Variants in PSD3 observed in about 807,000 individuals in gnomAD.
The protein encoded by PSD3 is pleckstrin and Sec7 domain containing 3, also known as PH and SEC7 domain-containing protein 3.
Under a neutral mutation model 105.5 loss-of-function variants are expected in PSD3, and 49 were observed. The ratio of observed to expected loss-of-function variants is 0.46; its 90% CI spans 0.37 to 0.59. The LOEUF (loss-of-function observed/expected upper bound fraction) is 0.59, where lower values mean the gene tolerates loss of function less well. Among genes scored for constraint, PSD3 ranks in the 20% least tolerant of loss-of-function variants. PSD3 has a pLI of 0.00. For missense variants in PSD3, 1,561 were observed against 1,263.8 expected (o/e 1.24, Z -3.57); for synonymous variants, 557 against 457.8 (o/e 1.22, Z -2.77).
chr8:18,799,919 C>G (rs1037044405), intron 7 of PSD3, among the ~76,000 whole-genome samples: 3 of 152,104 alleles, frequency 2.0e-5, no homozygotes, highest in African/African-American at 7.2e-5. Flanking sequence ...TCAATTTACG[C>G]TAAATTAGAA....
chr8:18,752,892 T>C (rs1015661952), intron 9 of PSD3, among the ~76,000 whole-genome samples: 4 of 151,234 alleles, frequency 2.6e-5, no homozygotes, highest in African/African-American at 9.7e-5. Flanking sequence ...CAAGGAATAA[T>C]TGCTTTTGAT....
At chr8:18,840,049 A>C (rs540642057) in intron 4 of PSD3, among the ~76,000 whole-genome samples, 37 of 152,194 alleles carry the variant, frequency 2.4e-4, no homozygotes, top group Admixed American at 2.1e-3. Flanking sequence ...GCTTAGTAGA[A>C]AGTAGTCATT....
intron 1 of PSD3, among the ~76,000 whole-genome samples, chr8:18,952,694 A>G (rs1313744947): frequency 6.6e-6 from 1 of 152,224 alleles, no homozygotes; most frequent in Non-Finnish European, 1.5e-5. Flanking sequence ...TGGAATATAG[A>G]AAGCAGATTT....
chr8:18,696,921 T>C (rs1056787751), intron 9 of PSD3, among the ~76,000 whole-genome samples: 1 of 152,170 alleles, frequency 6.6e-6, no homozygotes, highest in Admixed American at 6.5e-5. Context: ...TGCATCTTGT[T>C]TGCCCCATAT....
intron 1 of PSD3, among the ~76,000 whole-genome samples, chr8:18,964,186 G>T (rs1824104412): frequency 6.6e-6 from 1 of 152,138 alleles, no homozygotes; most frequent in African/African-American, 2.4e-5. Flanking sequence ...GCACAATGGT[G>T]TGATCATGGC....
chr8:18,704,113 C>T (rs1801747247), intron 9 of PSD3, among the ~76,000 whole-genome samples: 2 of 152,212 alleles, frequency 1.3e-5, no homozygotes, highest in South Asian at 4.1e-4. Context: ...AGATACATTT[C>T]TTTCCTCTCT....
intron 1 of PSD3, among the ~76,000 whole-genome samples, chr8:19,068,391 G>C (rs1460207310): frequency 6.6e-6 from 1 of 151,896 alleles, no homozygotes; most frequent in Non-Finnish European, 1.5e-5. Flanking sequence ...CAGGGCTTGA[G>C]AGATCCTCCT....
chr8:18,675,702 TA>T (rs1042341963), intron 9 of PSD3, among the ~76,000 whole-genome samples: 32 of 152,062 alleles, frequency 2.1e-4, no homozygotes, highest in Non-Finnish European at 4.0e-4. Context: ...CAGTGGATTT[TA>T]AAAAAAGAAA....
chr8:18,722,665 C>T (rs1803066336), intron 9 of PSD3, among the ~76,000 whole-genome samples: 1 of 151,874 alleles, frequency 6.6e-6, no homozygotes. Context: ...AGACTGAAAC[C>T]AAGTAGGAGG....
chr8:18,769,917 A>G (rs1182599006), intron 8 of PSD3, among the ~76,000 whole-genome samples: 1 of 152,162 alleles, frequency 6.6e-6, no homozygotes, highest in Non-Finnish European at 1.5e-5. Flanking sequence ...TTTTTTGGCT[A>G]TTATAAATAA....
intron 15 of PSD3, among the ~76,000 whole-genome samples, chr8:18,543,623 CA>C (rs537598474): frequency 4.5e-4 from 60 of 133,684 alleles, no homozygotes; most frequent in African/African-American, 8.5e-4. Context: ...CTCTCAAAAA[CA>C]AAAAAAAAAA....
chr8:18,694,373 G>C (rs575304028), intron 9 of PSD3, among the ~76,000 whole-genome samples: 2 of 152,358 alleles, frequency 1.3e-5, no homozygotes, highest in South Asian at 4.1e-4. Flanking sequence ...CACTTTAGAA[G>C]GCTGAGGCAG....
At chr8:18,936,267 C>G (rs1209129784) in intron 1 of PSD3, 125 bp from the exon 2 acceptor site, 2 of 624,242 alleles carry the variant, frequency 3.2e-6, no homozygotes, top group African/African-American at 1.8e-5. Context: ...GCTATCTAAC[C>G]ATTCAAAATG....
Position 18,569,168 on chromosome 8 carries a change from C to T in PSD3, c.2784+3360G>A, listed in dbSNP as rs558917821. Among the ~76,000 whole-genome samples the T allele has an allele frequency of 7.4e-3, 972 of 131,942 alleles. 16 individuals are homozygous for T. Among genetic ancestry groups the T allele is most frequent in the African/African-American group, 0.026 (939 of 35,622 alleles). The allele number at this position is 131,942 out of a possible 152,430, so 86.6% of individuals were successfully genotyped here. On this transcript the variant is annotated intron_variant, in intron 14 of 15. Coordinates refer to ENST00000327040, the MANE Select transcript of PSD3 (RefSeq NM_015310.4). Reference sequence around the variant, plus strand: ...TGTGAATAATGCCGCAATAAACATACGTGTGCATGTGTCTTTATAGCAGCA... The same window carrying T: ...TGTGAATAATGCCGCAATAAACATATGTGTGCATGTGTCTTTATAGCAGCA...
chr8:18,790,825 A>C (rs896211346), intron 8 of PSD3, among the ~76,000 whole-genome samples: 3 of 151,708 alleles, frequency 2.0e-5, no homozygotes, highest in Admixed American at 1.3e-4. Flanking sequence ...GCTCCAAGTC[A>C]GGTAAAAACA....
intron 1 of PSD3, among the ~76,000 whole-genome samples, chr8:19,036,875 G>C (rs1238642102): frequency 6.6e-6 from 1 of 152,176 alleles, no homozygotes; most frequent in Non-Finnish European, 1.5e-5. Flanking sequence ...AGAGGCCAAA[G>C]ATGTGAAGAA....
intron 4 of PSD3, among the ~76,000 whole-genome samples, chr8:18,857,477 G>C (rs1345115196): frequency 6.6e-6 from 1 of 152,158 alleles, no homozygotes; most frequent in African/African-American, 2.4e-5. Flanking sequence ...CACCGGGGAA[G>C]CTTTTAAAGC....
rs181860315 is a variant in PSD3 at position 19,032,040 on chromosome 8, G to T, written c.324+52166C>A. Among the ~76,000 whole-genome samples the T allele has an allele frequency of 2.9e-3, 441 of 152,232 alleles. 4 individuals carry two copies. The highest frequency in any genetic ancestry group is 9.9e-3 in the African/African-American group (411 of 41,548). On this transcript the variant is annotated intron_variant, in intron 1 of 1. Transcript: ENST00000521475. The stretch of plus-strand genomic sequence containing the variant: ...TTTCTGCACACTGAACATGACTTGG[G>T]AATGGGATGCTCAGGCCTCTGAACA...
chr8:18,767,095 A>G (rs1011131679), intron 8 of PSD3, among the ~76,000 whole-genome samples: 2 of 152,224 alleles, frequency 1.3e-5, no homozygotes, highest in African/African-American at 4.8e-5. Context: ...AACGTACAGG[A>G]AAGTGTGAGA....
Sources: gnomAD v4.1 joint callset for allele counts (sites outside exome capture counted in the v4.1 genomes callset) on GRCh38, gnomAD v4.1.1 for gene constraint, MANE v1.5 for transcripts, NCBI Gene and HGNC (gene_info 2026-07-23, HGNC 2026-07-21) for gene names.